The following DIP2C variants were observed in gnomAD, a reference collection of about 807,000 sequenced individuals.
DIP2C encodes DIP2 acetate--CoA ligase C (putative).
Under a neutral mutation model 192.4 loss-of-function variants are expected in DIP2C, and 33 were observed. That is an observed-to-expected ratio of 0.17 (90% CI 0.13 to 0.23). The LOEUF (loss-of-function observed/expected upper bound fraction) is 0.23. Ranked by LOEUF, DIP2C falls within the 10% of genes least tolerant of loss-of-function variation. DIP2C has a pLI of 1.00. For synonymous variants in DIP2C, 979 were observed against 864.1 expected (o/e 1.13, Z -2.33); for missense variants, 1,537 against 2,110.1 (o/e 0.73, Z 5.32).
At chr10:673,973 A>T (rs1251210679) in intron 1 of DIP2C, among the ~76,000 whole-genome samples, 1 of 152,256 alleles carries the variant, frequency 6.6e-6, no homozygotes, top group African/African-American at 2.4e-5. Context: ...CCCAACAGGG[A>T]CGGTGAGTCC....
Position 329,490 on chromosome 10 carries a change from G to A in DIP2C, c.3696C>T (p.Ser1232=), listed in dbSNP as rs572842433. 6.2e-7 allele frequency: 1 copy of A among 1,614,214 alleles called. No individual in the cohort carries two copies. The highest frequency in any genetic ancestry group is 2.2e-5 in the East Asian group (1 of 44,878). Residue 1232 remains serine (S), a synonymous_variant, in exon 30 of 37, where the codon TCC becomes TCT. Transcript: ENST00000280886. The stretch of plus-strand genomic sequence containing the variant: ...TGGTGCACAGCTCCATCACGGAGTA[G>A]GAGCAAAACGTGTCTCGGACTTTGT... ...SQYKVRDTFC[S]YSVMELCTKG... is the part of the protein sequence containing the mutation.
chr10:296,365 A>G (rs58159335), intron 32 of DIP2C, among the ~76,000 whole-genome samples: 80 of 152,180 alleles, frequency 5.3e-4, no homozygotes, highest in African/African-American at 1.7e-3. Flanking sequence ...TTAGAATGGC[A>G]ATCATTAAAA....
chr10:323,704 C>T (rs1957132419), intron 31 of DIP2C, among the ~76,000 whole-genome samples: 1 of 152,086 alleles, frequency 6.6e-6, no homozygotes, highest in South Asian at 2.1e-4. Context: ...AGTGTATTTT[C>T]TGATTTTGTT....
At chr10:374,569 C>T (rs1232052638) in intron 17 of DIP2C, among the ~76,000 whole-genome samples, 1 of 152,248 alleles carries the variant, frequency 6.6e-6, no homozygotes, top group Non-Finnish European at 1.5e-5. Flanking sequence ...CTCAGTCTGG[C>T]TTCAGAATCT....
intron 1 of DIP2C, among the ~76,000 whole-genome samples, chr10:564,471 G>A (rs1263731047): frequency 6.6e-6 from 1 of 152,162 alleles, no homozygotes; most frequent in Non-Finnish European, 1.5e-5. Context: ...CAGGGACAGG[G>A]GCAAGTCTAG....
intron 1 of DIP2C, among the ~76,000 whole-genome samples, chr10:677,443 C>T (rs1270254344): frequency 1.3e-5 from 2 of 152,216 alleles, no homozygotes; most frequent in African/African-American, 4.8e-5. Context: ...ATCCCAACAG[C>T]TTCTGAGTAT....
chr10:679,653 C>T (rs1347989953), intron 1 of DIP2C, among the ~76,000 whole-genome samples: 5 of 148,896 alleles, frequency 3.4e-5, no homozygotes, highest in South Asian at 2.2e-4. Flanking sequence ...CCGTGCTCCC[C>T]GCACTCGTCC....
chr10:340,178 C>CA (rs34140870), intron 29 of DIP2C, among the ~76,000 whole-genome samples: 4,851 of 114,034 alleles, frequency 0.043, 101 homozygotes, highest in African/African-American at 0.078. Context: ...AAGACTGTCT[C>CA]AAAAAAAAAA....
intron 1 of DIP2C, among the ~76,000 whole-genome samples, chr10:643,446 G>A (rs1030507856): frequency 2.6e-5 from 4 of 151,976 alleles, no homozygotes; most frequent in Non-Finnish European, 5.9e-5. Context: ...CCCGGGAGGC[G>A]GAGCCTGCAG....
At chr10:467,619 G>A (rs535585842) in intron 3 of DIP2C, among the ~76,000 whole-genome samples, 1 of 147,606 alleles carries the variant, frequency 6.8e-6, no homozygotes, top group South Asian at 2.2e-4. Context: ...ATAGTATGCA[G>A]CCATAAAAAA....
At chr10:583,212 C>T (rs557582679) in intron 1 of DIP2C, among the ~76,000 whole-genome samples, 25 of 151,878 alleles carry the variant, frequency 1.6e-4, no homozygotes, top group Middle Eastern at 3.2e-3. Context: ...CATCTGCAAA[C>T]GCAGTTTTCT....
At chr10:612,070 C>A (rs181516172) in intron 1 of DIP2C, among the ~76,000 whole-genome samples, 1 of 152,020 alleles carries the variant, frequency 6.6e-6, no homozygotes, top group Non-Finnish European at 1.5e-5. Flanking sequence ...CCAAGGTGAG[C>A]GCATCACCTG....
chr10:400,749 A>G (rs1205594981), intron 9 of DIP2C, among the ~76,000 whole-genome samples: 1 of 148,828 alleles, frequency 6.7e-6, no homozygotes, highest in Non-Finnish European at 1.5e-5. Context: ...ACTCTTCTTT[A>G]TGGACAAGTT....
rs115900299 is a variant in DIP2C at position 366,471 on chromosome 10, A to C, written c.2132-60T>G. 3.4e-4 allele frequency: 541 copies of C among 1,608,474 alleles called. 2 individuals are homozygous for C. In the African/African-American group the frequency reaches 5.8e-3, roughly 17 times the overall value. ...AGGGGGCAGGTGGGGAGAATAAAGG[A>C]AACAGGGAAGACGCGAATATGAACG... On this transcript the variant is annotated intron_variant, in intron 18 of 36. Coordinates refer to ENST00000280886, the MANE Select transcript of DIP2C (RefSeq NM_014974.3).
At chr10:575,515 G>A (rs968848347) in intron 1 of DIP2C, among the ~76,000 whole-genome samples, 5 of 152,186 alleles carry the variant, frequency 3.3e-5, no homozygotes, top group African/African-American at 7.2e-5. Flanking sequence ...AGCGAGCTCT[G>A]CTGAGAGTGT....
intron 19 of DIP2C, chr10:365,022 C>CT (rs1402677377): frequency 3.8e-6 from 2 of 531,296 alleles, no homozygotes; most frequent in Non-Finnish European, 7.7e-6. Flanking sequence ...TGGAAGTATG[C>CT]TGAAAAGAAA....
chr10:555,975 G>GC (rs1351169476), intron 1 of DIP2C, among the ~76,000 whole-genome samples: 1 of 152,030 alleles, frequency 6.6e-6, no homozygotes, highest in East Asian at 1.9e-4. Flanking sequence ...TCCTGACCCT[G>GC]CCCCCAACAC....
At chr10:477,108 G>A (rs943497853) in intron 2 of DIP2C, among the ~76,000 whole-genome samples, 1 of 148,926 alleles carries the variant, frequency 6.7e-6, no homozygotes, top group African/African-American at 2.5e-5. Context: ...GAGATACAAG[G>A]TACACAGAAG....
At chr10:616,810 G>A (rs980002146) in intron 1 of DIP2C, among the ~76,000 whole-genome samples, 2 of 152,184 alleles carry the variant, frequency 1.3e-5, no homozygotes, top group Admixed American at 6.5e-5. Context: ...CAATTCTGAT[G>A]AAAATATTTG....
Sources: gnomAD v4.1 joint callset for allele counts (sites outside exome capture counted in the v4.1 genomes callset) on GRCh38, gnomAD v4.1.1 for gene constraint, MANE v1.5 for transcripts, NCBI Gene and HGNC (gene_info 2026-07-23, HGNC 2026-07-21) for gene names.